Variants in MMP26 observed in about 807,000 individuals in gnomAD.
MMP26 encodes the protein matrix metalloproteinase-26.
MMP26 carries 33 observed loss-of-function variants against 31.0 expected under a neutral mutation model. The observed-to-expected ratio is 1.06, with a 90% CI of 0.81 to 1.42. MMP26 has a LOEUF of 1.42. MMP26 is among the 40% of genes most tolerant of loss of function. The pLI is 0.00. For synonymous variants in MMP26, 122 were observed against 114.9 expected (o/e 1.06, Z -0.40); for missense variants, 347 against 316.1 (o/e 1.10, Z -0.74).
chr11:4,849,409 C>T (rs531926549), intron 2 of MMP26, among the ~76,000 whole-genome samples: 1 of 152,142 alleles, frequency 6.6e-6, no homozygotes, highest in African/African-American at 2.4e-5. Flanking sequence ...GCATTCATTC[C>T]TTGCCTTTGA....
intron 2 of MMP26, among the ~76,000 whole-genome samples, chr11:4,961,795 A>G (rs1405846336): frequency 1.3e-5 from 2 of 152,196 alleles, no homozygotes; most frequent in African/African-American, 4.8e-5. Flanking sequence ...TGGGACTTCA[A>G]CTTTCTGAAT....
chr11:4,848,747 C>G, intron 2 of MMP26: 1 of 1,613,900 alleles, frequency 6.2e-7, no homozygotes, highest in Non-Finnish European at 8.5e-7. Flanking sequence ...AAGAAATGGC[C>G]AGGCTGATTT....
At chr11:4,981,221 C>T (rs1338753354) in intron 2 of MMP26, among the ~76,000 whole-genome samples, 1 of 151,888 alleles carries the variant, frequency 6.6e-6, no homozygotes, top group African/African-American at 2.4e-5. Context: ...TTTTATAAAA[C>T]ATATAGGTGT....
intron 2 of MMP26, among the ~76,000 whole-genome samples, chr11:4,811,301 C>A (rs1849346821): frequency 6.6e-6 from 1 of 152,118 alleles, no homozygotes; most frequent in African/African-American, 2.4e-5. Context: ...TATTTTATCA[C>A]CTAGTTGTTA....
At chr11:4,744,897 C>T (rs7108858) in intron 1 of MMP26, among the ~76,000 whole-genome samples, 6,659 of 152,060 alleles carry the variant, frequency 0.044, 465 homozygotes, top group African/African-American at 0.15. Flanking sequence ...ATCACCTCTT[C>T]TTCTTTATAT....
intron 1 of MMP26, chr11:4,752,908 G>A (rs1848464275): frequency 1.3e-5 from 2 of 152,420 alleles, no homozygotes; most frequent in South Asian, 4.2e-4. Flanking sequence ...ATCCAGACAT[G>A]GGCCCATTCA....
intron 2 of MMP26, among the ~76,000 whole-genome samples, chr11:4,906,166 T>C (rs1850884992): frequency 6.6e-6 from 1 of 152,192 alleles, no homozygotes; most frequent in African/African-American, 2.4e-5. Context: ...CCACATTTAA[T>C]ACATGAATAT....
intron 2 of MMP26, chr11:4,915,578 T>G (rs1851073622): frequency 2.5e-6 from 4 of 1,614,010 alleles, no homozygotes; most frequent in East Asian, 2.2e-5. Flanking sequence ...GATCCAGATG[T>G]GCATGCGCTC....
chr11:4,955,501 T>C lies in MMP26; in HGVS notation c.-144-32567T>C. ...GAGATGATAAAGACAAACCCAAGTC[T>C]GACATAGCCAACATGGAAAGAAAAT... On this transcript the variant is annotated intron_variant, in intron 2 of 7. Transcript: ENST00000380390. The C allele has an allele frequency of 5.3e-6, 7 of 1,309,138 alleles. 1 individual carries two copies. Among genetic ancestry groups the C allele is most frequent in the Non-Finnish European group, 7.5e-6 (7 of 929,828 alleles). The allele number at this position is 1,309,138 out of a possible 1,614,324, so 81.1% of individuals were successfully genotyped here.
intron 1 of MMP26, among the ~76,000 whole-genome samples, chr11:4,727,940 G>A (rs1482416206): frequency 6.6e-6 from 1 of 152,134 alleles, no homozygotes; most frequent in Non-Finnish European, 1.5e-5. Context: ...AAGTAAAAAT[G>A]TCACAACACT....
intron 1 of MMP26, among the ~76,000 whole-genome samples, chr11:4,759,605 C>T (rs894859170): frequency 3.9e-5 from 6 of 152,030 alleles, no homozygotes; most frequent in African/African-American, 9.7e-5. Flanking sequence ...CATATGAGAC[C>T]GTGCTAATTT....
At chr11:4,743,734 C>T (rs1589888801) in intron 1 of MMP26, among the ~76,000 whole-genome samples, 1 of 152,170 alleles carries the variant, frequency 6.6e-6, no homozygotes, top group Admixed American at 6.5e-5. Flanking sequence ...TTGTTTGATT[C>T]TGCTTAAATA....
At chr11:4,778,740 A>G (rs900160768) in intron 2 of MMP26, among the ~76,000 whole-genome samples, 2 of 152,068 alleles carry the variant, frequency 1.3e-5, no homozygotes, top group African/African-American at 4.8e-5. Context: ...TAATTCATGA[A>G]CATGATAAAT....
At chr11:4,706,594 AAAAAAGAC>A (rs1466268927) in intron 1 of MMP26, among the ~76,000 whole-genome samples, 2 of 127,370 alleles carry the variant, frequency 1.6e-5, no homozygotes, top group East Asian at 3.3e-4. Context: ...AAAAAAAAAA[AAAAAAGAC>A]AGAAAGAAAG....
intron 2 of MMP26, among the ~76,000 whole-genome samples, chr11:4,861,782 A>G (rs953350971): frequency 6.6e-6 from 1 of 152,116 alleles, no homozygotes; most frequent in African/African-American, 2.4e-5. Flanking sequence ...GCCTTCTAAT[A>G]CATTCTTCAT....
intron 2 of MMP26, among the ~76,000 whole-genome samples, chr11:4,951,191 A>G (rs10837014): frequency 0.73 from 89,084 of 121,460 alleles, 38,682 homozygotes; most frequent in Middle Eastern, 0.87. Context: ...CCTGAATATC[A>G]CAACTTTTGA....
At chr11:4,883,361 T>C (rs978550218) in intron 2 of MMP26, among the ~76,000 whole-genome samples, 1 of 152,150 alleles carries the variant, frequency 6.6e-6, no homozygotes, top group African/African-American at 2.4e-5. Flanking sequence ...TTAAAAACTT[T>C]AGGAAAATCT....
intron 1 of MMP26, among the ~76,000 whole-genome samples, chr11:4,709,206 G>A (rs527948158): frequency 3.2e-4 from 48 of 152,190 alleles, no homozygotes; most frequent in African/African-American, 9.4e-4. Context: ...ATGGCTGTCC[G>A]GAAATATCCC....
At chr11:4,971,269 T>C (rs897845074) in intron 2 of MMP26, among the ~76,000 whole-genome samples, 1 of 152,168 alleles carries the variant, frequency 6.6e-6, no homozygotes, top group African/African-American at 2.4e-5. Flanking sequence ...CCTGGGATTG[T>C]AGCACAGCTT....
Sources: gnomAD v4.1 joint callset for allele counts (sites outside exome capture counted in the v4.1 genomes callset) on GRCh38, gnomAD v4.1.1 for gene constraint, MANE v1.5 for transcripts, NCBI Gene and HGNC (gene_info 2026-07-23, HGNC 2026-07-21) for gene names.